IFT88: variants seen among roughly 807,000 people sequenced by gnomAD.
The protein encoded by IFT88 is intraflagellar transport 88, also known as intraflagellar transport protein 88 homolog.
Under a neutral mutation model 119.5 loss-of-function variants are expected in IFT88, and 74 were observed. The ratio of observed to expected loss-of-function variants is 0.62; its 90% CI spans 0.51 to 0.75. The LOEUF (loss-of-function observed/expected upper bound fraction) is 0.75. IFT88 is among the 30% of genes least tolerant of loss of function. The pLI is 0.00. For synonymous variants in IFT88, 279 were observed against 316.7 expected, an observed-to-expected ratio of 0.88 and a Z score of 1.26; for missense variants, 961 against 977.7, an observed-to-expected ratio of 0.98 and a Z score of 0.23.
intron 2 of IFT88, among the ~76,000 whole-genome samples, chr13:20,575,595 C>G (rs2037229175): frequency 6.6e-6 from 1 of 152,096 alleles, no homozygotes; most frequent in Non-Finnish European, 1.5e-5. Context: ...CATCCTCACC[C>G]CATGTGATGT....
chr13:20,673,482 G>C (rs948060830), intron 24 of IFT88, among the ~76,000 whole-genome samples: 2 of 152,222 alleles, frequency 1.3e-5, no homozygotes, highest in South Asian at 4.1e-4. Context: ...TGATCAGTGT[G>C]CCTCAGGCCA....
intron 14 of IFT88, among the ~76,000 whole-genome samples, chr13:20,620,508 G>A (rs898948092): frequency 6.6e-6 from 1 of 152,180 alleles, no homozygotes; most frequent in African/African-American, 2.4e-5. Flanking sequence ...CCCCCAAGGT[G>A]GTAGTATTAG....
At chr13:20,689,772 A>C (rs888596250) in intron 24 of IFT88, among the ~76,000 whole-genome samples, 2 of 152,210 alleles carry the variant, frequency 1.3e-5, no homozygotes, top group Non-Finnish European at 2.9e-5. Context: ...AAAGTAAAAG[A>C]AATATCCCTA....
chr13:20,592,731 A>G (rs760812036), intron 7 of IFT88, among the ~76,000 whole-genome samples: 40 of 150,628 alleles, frequency 2.7e-4, no homozygotes, highest in Non-Finnish European at 5.2e-4. Context: ...CAGCCTCCCA[A>G]AGTGTTGGCA....
chr13:20,588,163 C>T (rs767761103), intron 3 of IFT88, among the ~76,000 whole-genome samples: 2 of 151,858 alleles, frequency 1.3e-5, no homozygotes, highest in Non-Finnish European at 2.9e-5. Context: ...TCATCTCTAA[C>T]TTTTTAAAGT....
At chr13:20,617,088 C>T (rs910836578) in intron 14 of IFT88, among the ~76,000 whole-genome samples, 3 of 152,054 alleles carry the variant, frequency 2.0e-5, no homozygotes, top group African/African-American at 4.8e-5. Flanking sequence ...GGACTACAGG[C>T]GCCCGCCACC....
intron 24 of IFT88, among the ~76,000 whole-genome samples, chr13:20,686,635 T>C (rs2057941490): frequency 2.7e-5 from 4 of 146,506 alleles, no homozygotes; most frequent in Admixed American, 2.7e-4. Flanking sequence ...TCATTGTATT[T>C]AAATATGATA....
At chr13:20,607,171 G>A in intron 13 of IFT88, 2 of 380,890 alleles carry the variant, frequency 5.3e-6, no homozygotes, top group South Asian at 4.3e-5. Flanking sequence ...TGGGGCTCCT[G>A]CTGCTGCTGC....
intron 13 of IFT88, among the ~76,000 whole-genome samples, chr13:20,608,905 C>T (rs1032820256): frequency 6.6e-6 from 1 of 152,204 alleles, no homozygotes; most frequent in Admixed American, 6.5e-5. Flanking sequence ...CCTCTGCCTC[C>T]ACTTCTCTTG....
At chr13:20,616,930 T>C (rs541692239) in intron 14 of IFT88, among the ~76,000 whole-genome samples, 6 of 152,142 alleles carry the variant, frequency 3.9e-5, no homozygotes, top group Non-Finnish European at 7.4e-5. Context: ...CAAAACTTTT[T>C]TTTGGTTTTT....
At chr13:20,636,295 G>C (rs1203415735) in intron 16 of IFT88, among the ~76,000 whole-genome samples, 1 of 152,184 alleles carries the variant, frequency 6.6e-6, no homozygotes, top group African/African-American at 2.4e-5. Context: ...CCTTTGAATT[G>C]TTCCCTAACC....
At position 20,582,900 on chromosome 13, in the gene IFT88, A is replaced by G; in HGVS notation, c.91-57A>G. ...GAGTACCAAACAGCAGTTTAAACTT[A>G]TTTTTTCCCCCAATTCTTACTCTGT... On this transcript the variant is annotated intron_variant, in intron 2 of 25. Coordinates refer to ENST00000351808, the MANE Select transcript of IFT88 (RefSeq NM_006531.5). 5 of 1,388,530 alleles carry G rather than the reference A, an allele frequency of 3.6e-6. No homozygotes were observed. The Admixed American group carries it at 9.2e-5, about 25-fold the overall frequency. The allele number at this position is 1,388,530 out of a possible 1,614,324, so 86.0% of individuals were successfully genotyped here.
At chr13:20,650,361 AG>A (rs1227935326) in intron 20 of IFT88, among the ~76,000 whole-genome samples, 5 of 152,224 alleles carry the variant, frequency 3.3e-5, no homozygotes, top group Non-Finnish European at 5.9e-5. Context: ...AATAGAATGA[AG>A]AAAAAACCCA....
chr13:20,677,553 A>G (rs1382670336), intron 24 of IFT88, among the ~76,000 whole-genome samples: 3 of 152,192 alleles, frequency 2.0e-5, no homozygotes, highest in Non-Finnish European at 2.9e-5. Context: ...TAATAAGAGG[A>G]TAGGCCATTT....
At chr13:20,688,127 G>A (rs1473544639) in intron 24 of IFT88, among the ~76,000 whole-genome samples, 1 of 152,230 alleles carries the variant, frequency 6.6e-6, no homozygotes, top group Non-Finnish European at 1.5e-5. Context: ...CCTGAGGTCA[G>A]GAGTTTGAGA....
At chr13:20,586,623 AAC>A (rs1407583149) in intron 3 of IFT88, among the ~76,000 whole-genome samples, 1 of 152,150 alleles carries the variant, frequency 6.6e-6, no homozygotes, top group African/African-American at 2.4e-5. Context: ...CTAACAACAA[AAC>A]ACAAAAATGA....
intron 8 of IFT88, among the ~76,000 whole-genome samples, chr13:20,596,682 A>G (rs542928156): frequency 7.2e-5 from 11 of 152,306 alleles, no homozygotes; most frequent in South Asian, 4.2e-4. Flanking sequence ...TTAAATATCA[A>G]TCTTTACTTT....
intron 24 of IFT88, among the ~76,000 whole-genome samples, chr13:20,678,052 A>G (rs1336071243): frequency 6.6e-6 from 1 of 152,262 alleles, no homozygotes; most frequent in Non-Finnish European, 1.5e-5. Context: ...ACAGAGGGCC[A>G]TTAGATTTTT....
At chr13:20,590,145 C>T (rs1319966208) in intron 4 of IFT88, among the ~76,000 whole-genome samples, 3 of 151,968 alleles carry the variant, frequency 2.0e-5, no homozygotes, top group Non-Finnish European at 4.4e-5. Flanking sequence ...AACCAAGTCT[C>T]GTGTATTCCA....
Sources: allele counts gnomAD v4.1 joint callset (sites outside exome capture counted in the v4.1 genomes callset), GRCh38; gene constraint gnomAD v4.1.1; transcripts MANE v1.5; gene names NCBI Gene and HGNC (gene_info 2026-07-23, HGNC 2026-07-21).